Variants in ATP8B1 observed in about 807,000 individuals in gnomAD.
ATP8B1 encodes phospholipid-transporting ATPase IC.
In ATP8B1, 80 loss-of-function variants were observed where a neutral mutation model predicts 149.9. That is an observed-to-expected ratio of 0.53 (90% confidence interval 0.45 to 0.64). The LOEUF is 0.64. Among genes scored for constraint, ATP8B1 ranks in the 30% least tolerant of loss-of-function variants. ATP8B1 has a pLI of 0.00. For missense variants in ATP8B1, 1,247 were observed against 1,552.6 expected (o/e 0.80, Z 3.31); for synonymous variants, 536 against 562.8 (o/e 0.95, Z 0.67).
At chr18:57,693,639 C>CGGA (rs964926921) in intron 11 of ATP8B1, among the ~76,000 whole-genome samples, 5 of 151,754 alleles carry the variant, frequency 3.3e-5, no homozygotes, top group African/African-American at 1.2e-4. Context: ...ACCTGGGAGA[C>CGGA]GGAGATTGCA....
chr18:57,769,428 G>C (rs1183768234), intron 1 of ATP8B1, among the ~76,000 whole-genome samples: 42 of 152,108 alleles, frequency 2.8e-4, no homozygotes, highest in Non-Finnish European at 8.8e-5. Flanking sequence ...ACTGTGAATG[G>C]AAGACCATTC....
At chr18:57,798,760 G>C (rs542688935) in intron 1 of ATP8B1, among the ~76,000 whole-genome samples, 1 of 152,146 alleles carries the variant, frequency 6.6e-6, no homozygotes, top group African/African-American at 2.4e-5. Context: ...GCCCCCTCAC[G>C]AGTTCTCCTG....
intron 15 of ATP8B1, among the ~76,000 whole-genome samples, chr18:57,676,398 A>G (rs1237372127): frequency 6.7e-6 from 1 of 148,866 alleles, no homozygotes; most frequent in Non-Finnish European, 1.5e-5. Context: ...CCATAGCTAT[A>G]TTCTCCTTAT....
At chr18:57,794,758 T>A (rs2080494574) in intron 1 of ATP8B1, among the ~76,000 whole-genome samples, 1 of 149,802 alleles carries the variant, frequency 6.7e-6, no homozygotes, top group East Asian at 2.0e-4. Flanking sequence ...ACCATTGCAC[T>A]CCAGCCTGGG....
At chr18:57,713,196 T>TTTCTTTCTTTCCTTCCTTCCTTCC (rs1913791192) in intron 2 of ATP8B1, among the ~76,000 whole-genome samples, 2 of 89,978 alleles carry the variant, frequency 2.2e-5, no homozygotes, top group African/African-American at 7.5e-5. Context: ...TCTTTCTTTC[T>TTTCTTTCTTTCCTTCCTTCCTTCC]TTCCTTCCTT....
In ATP8B1 at chr18:57,761,095, T is replaced by A. The variant is rs1362846876; in HGVS notation, c.-25-29263A>T. 2.6e-4 allele frequency among the ~76,000 whole-genome samples: 25 copies of A among 96,266 alleles called. No individual in the cohort carries two copies. In the East Asian group the frequency reaches 3.0e-3, roughly 12 times the overall value. The allele number at this position is 96,266 out of a possible 152,430, so 63.2% of individuals were successfully genotyped here. On this transcript the variant is annotated intron_variant, in intron 1 of 27. Transcript: ENST00000648908. ...ATAAAATAAATAAAATAAAATAAAA[T>A]AAAAAATAAAATAAAATATAAAATA...
chr18:57,732,516 C>T (rs446571), intron 1 of ATP8B1, among the ~76,000 whole-genome samples: 149,403 of 151,924 alleles, frequency 0.98, 73,510 homozygotes, highest in East Asian at 1. Context: ...AATAGTTGTA[C>T]ACATTCACAC....
In ATP8B1 at chr18:57,803,107, C is replaced by T. The variant is rs1456238404; in HGVS notation, c.-135G>A. ...CCCGCCCGGCCCCAGCCCTGGCCGC[C>T]GCGCTAGCGCTGCATGGCGCACGGG... On this transcript the variant is annotated 5_prime_UTR_variant, in exon 1 of 28. Transcript: ENST00000648908. The T allele has an allele frequency of 6.6e-6, 1 of 151,734 alleles. No individual in the cohort carries two copies. Among genetic ancestry groups the T allele is most frequent in the Non-Finnish European group, 1.5e-5 (1 of 67,924 alleles). The allele number at this position is 151,734 out of a possible 1,614,324, so 9.4% of individuals were successfully genotyped here.
intron 17 of ATP8B1, among the ~76,000 whole-genome samples, chr18:57,670,421 G>A (rs1465091311): frequency 6.8e-6 from 1 of 147,562 alleles, no homozygotes; most frequent in African/African-American, 2.5e-5. Context: ...GTGCGATCTC[G>A]GTTCACTGCA....
At chr18:57,654,319 TC>T (rs1909841044) in intron 23 of ATP8B1, among the ~76,000 whole-genome samples, 1 of 151,464 alleles carries the variant, frequency 6.6e-6, no homozygotes, top group Non-Finnish European at 1.5e-5. Flanking sequence ...TTATCAATAT[TC>T]TTTTTTTTTT....
At chr18:57,661,631 G>A in intron 21 of ATP8B1, among the ~76,000 whole-genome samples, 169 bp from the exon 22 acceptor site, 6 of 129,328 alleles carry the variant, frequency 4.6e-5, no homozygotes, top group African/African-American at 1.1e-4. Context: ...GTGTGCGTGT[G>A]TATGTATATA....
intron 23 of ATP8B1, among the ~76,000 whole-genome samples, chr18:57,654,394 C>A (rs1036420916): frequency 6.6e-6 from 1 of 152,006 alleles, no homozygotes; most frequent in Non-Finnish European, 1.5e-5. Flanking sequence ...TCTTGGCTCA[C>A]TGTACCTTCT....
intron 4 of ATP8B1, 88 bp from the exon 5 acceptor site, chr18:57,701,401 C>T (rs1913115442): frequency 4.3e-6 from 5 of 1,162,324 alleles, no homozygotes; most frequent in Non-Finnish European, 1.3e-6. Context: ...CTTGCTAATT[C>T]CAAGTCTCAT....
rs550193092 is a variant in ATP8B1, at chr18:57,784,347, G to A, written c.-26+18651C>T. 7.9e-5 allele frequency among the ~76,000 whole-genome samples: 12 copies of A among 152,308 alleles called. 1 individual carries two copies. In the South Asian group the frequency reaches 2.5e-3, roughly 32 times the overall value. ...CTGAGTGGGTGCTCTGGTTTGGAAGGGGCAGGGTAGAAGTGTAGCCCTCAT... is the reference window on the plus strand; with the variant it reads ...CTGAGTGGGTGCTCTGGTTTGGAAGAGGCAGGGTAGAAGTGTAGCCCTCAT... On this transcript the variant is annotated intron_variant, in intron 1 of 27. Coordinates refer to ENST00000648908, the MANE Select transcript of ATP8B1 (RefSeq NM_001374385.1). The surrounding 1 kb of genome is among the most constrained non-coding windows in gnomAD (Gnocchi z 4.4).
intron 8 of ATP8B1, among the ~76,000 whole-genome samples, chr18:57,696,285 G>T (rs1029779832): frequency 6.6e-6 from 1 of 152,136 alleles, no homozygotes; most frequent in Non-Finnish European, 1.5e-5. Flanking sequence ...CGGGCGCCGC[G>T]GCTCACGCAT....
Position 57,652,564 on chromosome 18 carries a change from G to T in ATP8B1, c.3181C>A (p.Gln1061Lys), listed in dbSNP as rs1909693411. ...TAGTCGGAAGGTGCCTCTCCATCCT[G>T]CCCTACGGTTTGCAGATAAGCTCCA... ...PLGAYLQTVG[Q>K]DGEAPSDYQS... The change falls in exon 25 of 28, where the codon CAG (glutamine) becomes AAG (lysine). Residue 1061 changes from glutamine to lysine, a missense_variant. By Grantham distance (53) the Gln-to-Lys change is moderately conservative (BLOSUM62 1). Transcript: ENST00000648908. 2 of 1,614,172 alleles carry T rather than the reference G, an allele frequency of 1.2e-6. No individual in the cohort carries two copies. The highest frequency in any genetic ancestry group is 1.7e-6 in the Non-Finnish European group (2 of 1,180,032).
chr18:57,764,333 TTC>T (rs1384413511), intron 1 of ATP8B1, among the ~76,000 whole-genome samples: 8 of 53,406 alleles, frequency 1.5e-4, no homozygotes, highest in African/African-American at 3.5e-4. Context: ...TTTTCTTTCT[TTC>T]TTTCTTTTTC....
At chr18:57,787,338 G>A (rs368219183) in intron 1 of ATP8B1, among the ~76,000 whole-genome samples, 1 of 152,100 alleles carries the variant, frequency 6.6e-6, no homozygotes, top group Non-Finnish European at 1.5e-5. Flanking sequence ...ACATAAATTC[G>A]TCTGATAAAA....
In ATP8B1 at chr18:57,673,029, A is replaced by ATATATAAATATAAATATATAAATATATG. The variant is rs1911367530; in HGVS notation, c.1820-1450_1820-1449insCATATATTTATATATTTATATTTATATA. Among the ~76,000 whole-genome samples, 3 of 145,530 alleles carry ATATATAAATATAAATATATAAATATATG rather than the reference A, an allele frequency of 2.1e-5. No homozygotes were observed. In the South Asian group the frequency reaches 6.3e-4, roughly 31 times the overall value. On this transcript the variant is annotated intron_variant, in intron 16 of 27. Transcript: ENST00000648908. ...AATATACATATATAAATATATGTAT[A>ATATATAAATATAAATATATAAATATATG]TATATATAAATATAAATGTGTGTGT...
Sources: allele counts gnomAD v4.1 joint callset (sites outside exome capture counted in the v4.1 genomes callset), GRCh38; gene constraint gnomAD v4.1.1; non-coding constraint Gnocchi (gnomAD v3.1); transcripts MANE v1.5; gene names NCBI Gene and HGNC (gene_info 2026-07-23, HGNC 2026-07-21).